The following TAL1 variants were observed in gnomAD, a reference collection of about 807,000 sequenced individuals.
The protein encoded by TAL1 is T-cell acute lymphocytic leukemia protein 1.
Under a neutral mutation model 17.9 loss-of-function variants are expected in TAL1, and 8 were observed. The ratio of observed to expected loss-of-function variants is 0.45; its 90% CI spans 0.26 to 0.81. TAL1 has a LOEUF of 0.81. TAL1 is among the 30% of genes least tolerant of loss of function. TAL1 has a pLI of 0.17. For synonymous variants in TAL1, 223 were observed against 218.6 expected (o/e 1.02, Z -0.18); for missense variants, 466 against 486.9 (o/e 0.96, Z 0.40).
rs540440140 is a variant in TAL1, at chr1:47,221,388, T to C, written c.542-1214A>G. 2.0e-5 allele frequency among the ~76,000 whole-genome samples: 3 copies of C among 152,326 alleles called. No homozygotes were observed. The East Asian group carries it at 5.8e-4, about 29-fold the overall frequency. On this transcript the variant is annotated intron_variant, in intron 3 of 3. Coordinates refer to ENST00000294339, the Ensembl canonical transcript of TAL1. ...GCCCAATAGTCACTAACATTCCATG[T>C]ATAAAGACTTATGGAGCAGTGGCAG... is the stretch of plus-strand genomic sequence containing the variant.
intron 1 of TAL1, chr1:47,227,886 A>G (rs1238115742): frequency 6.6e-6 from 1 of 152,194 alleles, no homozygotes. Flanking sequence ...TTGGTTCCCT[A>G]CCTCACTGCT....
exon 4 of TAL1, chr1:47,217,965 T>C: frequency 2.5e-6 from 1 of 392,188 alleles, no homozygotes. Context: ...TGAACAATGT[T>C]GCCCCAAGCT....
At chr1:47,220,762 C>CCT (rs1643773715) in intron 3 of TAL1, among the ~76,000 whole-genome samples, 2 of 152,214 alleles carry the variant, frequency 1.3e-5, no homozygotes, top group Admixed American at 1.3e-4. Flanking sequence ...ATCCATGTAT[C>CCT]AGTTTTTTGC....
chr1:47,232,179 C>T (rs932402335), upstream of TAL1: 3 of 199,312 alleles, frequency 1.5e-5, no homozygotes, highest in Non-Finnish European at 3.1e-5. Context: ...TTTTCCGCTA[C>T]GGGGGTACGC....
chr1:47,224,670 A>T (rs781741731), intron 2 of TAL1, among the ~76,000 whole-genome samples: 5 of 152,056 alleles, frequency 3.3e-5, no homozygotes, highest in Non-Finnish European at 5.9e-5. Flanking sequence ...TGCTCCGCCT[A>T]GCTCTCTGCC....
At chr1:47,227,854 G>C (rs1204189153) in intron 1 of TAL1, 2 of 152,000 alleles carry the variant, frequency 1.3e-5, no homozygotes, top group Non-Finnish European at 2.9e-5. Context: ...CAACCCCTGG[G>C]AAACATACAA....
chr1:47,218,692 A>C (rs1359533514), exon 4 of TAL1: 3 of 232,862 alleles, frequency 1.3e-5, no homozygotes, highest in Non-Finnish European at 8.5e-6. Context: ...CAAAAATTCC[A>C]AATGCAAAGC....
rs563793471 is a variant in TAL1, at chr1:47,226,333, G to C, written c.-1-444C>G. The C allele has an allele frequency of 2.2e-4, 35 of 159,884 alleles. 1 individual carries two copies. The South Asian group carries it at 6.4e-3, about 29-fold the overall frequency. The allele number at this position is 159,884 out of a possible 1,614,324, so 9.9% of individuals were successfully genotyped here. On this transcript the variant is annotated intron_variant, in intron 1 of 3. Coordinates refer to ENST00000294339, the Ensembl canonical transcript of TAL1. ...GGATCGTGCTCTTTGGTTTTAGCGG[G>C]GAATCTGTCAGGCAGGGGTTCGTTG...
chr1:47,229,162 C>G (rs781161453), intron 1 of TAL1, 34 bp downstream of exon 2: 1 of 176,174 alleles, frequency 5.7e-6, no homozygotes, highest in Non-Finnish European at 1.2e-5. Context: ...TCCTAGACAC[C>G]GTTTCCACCG....
At chr1:47,230,021 A>C (rs1159086375), upstream of TAL1, 1 of 152,276 alleles carries the variant, frequency 6.6e-6, no homozygotes, top group Non-Finnish European at 1.5e-5. Context: ...ATTAAGAGAA[A>C]GAAGAAAGAG....
rs188791895 is a variant in TAL1, at chr1:47,228,425, G to T, written c.-2+771C>A. 2.6e-4 allele frequency: 50 copies of T among 194,852 alleles called. No homozygotes were observed. In the East Asian group the frequency reaches 3.4e-3, roughly 13 times the overall value. 12.1% of individuals were successfully genotyped at this position (194,852 alleles called of 1,614,324 possible). A position where few individuals can be genotyped will look rare whatever the true frequency, so the allele number is the denominator to read the frequency against. On this transcript the variant is annotated intron_variant, in intron 1 of 3. Coordinates refer to ENST00000294339, the Ensembl canonical transcript of TAL1. ...ACTGAATCGTTCTAGAGTATTTGAC[G>T]ACTACAGCTCCTCTCTCTTTGTACT... is the stretch of plus-strand genomic sequence containing the variant.
chr1:47,224,445 A>G (rs973723592), intron 2 of TAL1, among the ~76,000 whole-genome samples: 6 of 151,018 alleles, frequency 4.0e-5, no homozygotes, highest in Admixed American at 2.0e-4. Flanking sequence ...AGATAGAAAC[A>G]CTCTCCATTC....
intron 2 of TAL1, among the ~76,000 whole-genome samples, chr1:47,224,906 G>A (rs1211225327): frequency 6.6e-6 from 1 of 152,182 alleles, no homozygotes; most frequent in Non-Finnish European, 1.5e-5. Flanking sequence ...GGGAGTGGAG[G>A]GACAGGTCAG....
chr1:47,220,940 G>A (rs904060254), intron 3 of TAL1, among the ~76,000 whole-genome samples: 18 of 152,250 alleles, frequency 1.2e-4, no homozygotes, highest in African/African-American at 3.6e-4. Context: ...TGGCTGGGAA[G>A]GCTTGTCTGA....
intron 3 of TAL1, among the ~76,000 whole-genome samples, chr1:47,220,619 G>C (rs747275535): frequency 6.6e-6 from 1 of 152,170 alleles, no homozygotes; most frequent in Non-Finnish European, 1.5e-5. Context: ...AAGTGCCTTG[G>C]CTTCATCACC....
chr1:47,217,850 T>C (rs539235479), exon 4 of TAL1: 62 of 398,006 alleles, frequency 1.6e-4, no homozygotes, highest in African/African-American at 9.4e-4. Flanking sequence ...CAGATGGGGC[T>C]CCTCACAGGA....
intron 1 of TAL1, 27 bp from the exon 3 acceptor site, chr1:47,225,916 A>G: frequency 6.4e-7 from 1 of 1,561,330 alleles, no homozygotes; most frequent in Admixed American, 1.8e-5. Flanking sequence ...AGACAAGCGG[A>G]TGCCCGCTCT....
chr1:47,224,659 A>G (rs1023507689), intron 2 of TAL1, among the ~76,000 whole-genome samples: 3 of 151,780 alleles, frequency 2.0e-5, no homozygotes, highest in Admixed American at 6.6e-5. Flanking sequence ...CTCAGCTGAA[A>G]TGCTCCGCCT....
intron 1 of TAL1, chr1:47,228,219 T>C (rs937409400): frequency 5.9e-6 from 1 of 170,122 alleles, no homozygotes; most frequent in African/African-American, 2.4e-5. Flanking sequence ...CCCCACATTT[T>C]AGGAAAATCC....
Sources: allele counts gnomAD v4.1 joint callset (sites outside exome capture counted in the v4.1 genomes callset), GRCh38; gene constraint gnomAD v4.1.1; transcripts MANE v1.5; gene names NCBI Gene and HGNC (gene_info 2026-07-23, HGNC 2026-07-21).